The following PPFIA4 variants were observed in gnomAD, a reference collection of about 807,000 sequenced individuals.
The protein encoded by PPFIA4 is PPFI scaffold protein A4, also known as liprin-alpha-4.
In PPFIA4, 98 loss-of-function variants were observed where a neutral mutation model predicts 145.7. The ratio of observed to expected loss-of-function variants is 0.67; its 90% CI spans 0.57 to 0.80. PPFIA4 has a LOEUF of 0.80. Ranked by LOEUF, PPFIA4 falls within the 30% of genes least tolerant of loss-of-function variation. The pLI, the probability that PPFIA4 is intolerant of heterozygous loss-of-function variation, is 0.00. For missense variants in PPFIA4, 1,457 were observed against 1,632.7 expected, an observed-to-expected ratio of 0.89 and a Z score of 1.85; for synonymous variants, 628 against 649.6, an observed-to-expected ratio of 0.97 and a Z score of 0.51.
chr1:203,053,875 T>C lies in PPFIA4; in HGVS notation c.1743T>C (p.Asp581=), dbSNP rs1465890573. ...DEPGGLVGSA[D]VVSPSGHSDA... ...CAGGGGGTCTGGTGGGCTCTGCGGA[T>C]GTTGTCTCCCCCAGCGGCCACTCAG... The change falls in exon 15 of 30, where the codon GAT becomes GAC. Residue 581 remains aspartate, a synonymous_variant. Transcript: ENST00000295706. 6.4e-7 allele frequency: 1 copy of C among 1,560,804 alleles called. No individual in the cohort carries two copies. Among genetic ancestry groups the C allele is most frequent in the Non-Finnish European group, 8.7e-7 (1 of 1,151,924 alleles).
At position 203,060,659 on chromosome 1, in the gene PPFIA4, C is replaced by A. The variant is rs1661298753; in HGVS notation, c.2784+242C>A. On this transcript the variant is annotated intron_variant, in intron 22 of 29. Coordinates refer to ENST00000295706, the MANE Select transcript of PPFIA4 (RefSeq NM_001304331.2). The surrounding 1 kb of genome is among the most constrained non-coding windows in gnomAD (Gnocchi z 4.8). ...GCTCCATCTCCCCATCCCTACTCTG[C>A]CAAAATTTCCACGTCTCTGGGCAGT... Among the ~76,000 whole-genome samples, 2 of 152,168 alleles carry A rather than the reference C, an allele frequency of 1.3e-5. No homozygotes were observed. The highest frequency in any genetic ancestry group is 6.5e-5 in the Admixed American group (1 of 15,288).
intron 28 of PPFIA4, 139 bp downstream of exon 28, chr1:203,071,899 G>A (rs1289410990): frequency 2.6e-6 from 2 of 768,002 alleles, no homozygotes; most frequent in African/African-American, 1.7e-5. Flanking sequence ...TGGGGATAAT[G>A]TCAGGGGGTT....
chr1:203,069,864 C>T (rs537514648), intron 27 of PPFIA4, among the ~76,000 whole-genome samples: 2 of 151,466 alleles, frequency 1.3e-5, no homozygotes, highest in African/African-American at 4.8e-5. Flanking sequence ...TCCACTTGCC[C>T]ACTTCGGGCA....
intron 19 of PPFIA4, among the ~76,000 whole-genome samples, chr1:203,057,573 T>C (rs777567921): frequency 1.3e-5 from 2 of 152,252 alleles, no homozygotes; most frequent in Non-Finnish European, 2.9e-5. Context: ...TTCCTGTTCC[T>C]CCACCTTTTC....
chr1:203,048,209 A>T lies in PPFIA4; in HGVS notation c.1141-18A>T. The T allele has an allele frequency of 1.2e-6, 2 of 1,611,612 alleles. No homozygotes were observed. The highest frequency in any genetic ancestry group is 1.7e-6 in the Non-Finnish European group (2 of 1,179,134). ...GAACAGAGATCTGCGGGCTGCACCG[A>T]CCCATCCCTGCCCCTAGGCTGAAGA... On this transcript the variant is annotated intron_variant, in intron 9 of 29. Coordinates refer to ENST00000295706, the MANE Select transcript of PPFIA4 (RefSeq NM_001304331.2). This position sits in a 1 kb window ranked among gnomAD's most constrained non-coding sequence, Gnocchi z 5.8.
intron 2 of PPFIA4, among the ~76,000 whole-genome samples, chr1:203,042,807 T>A (rs1659796291): frequency 6.6e-6 from 1 of 152,054 alleles, no homozygotes; most frequent in African/African-American, 2.4e-5. Context: ...TCTGACTAAT[T>A]TTTGTATTTT....
At position 203,059,171 on chromosome 1, in the gene PPFIA4, C is replaced by T; in HGVS notation, c.2408-7C>T. The T allele has an allele frequency of 6.7e-7, 1 of 1,498,524 alleles. No individual in the cohort carries two copies. Among genetic ancestry groups the T allele is most frequent in the South Asian group, 1.2e-5 (1 of 83,170 alleles). 92.8% of individuals were successfully genotyped at this position (1,498,524 alleles called of 1,614,324 possible). A position where few individuals can be genotyped will look rare whatever the true frequency, so the allele number is the denominator to read the frequency against. On this transcript the variant is annotated splice_region_variant and splice_polypyrimidine_tract_variant and intron_variant, in intron 19 of 29. Transcript: ENST00000295706. ...GCTGGCTGACACACACATCTCTTTC[C>T]TTGTAGTTCTGCTAACAGACTCCGA... is the stretch of plus-strand genomic sequence containing the variant.
rs1207139995 is a variant in PPFIA4, at chr1:203,078,664, T to A, written c.*2274T>A. 6.6e-6 allele frequency: 1 copy of A among 152,068 alleles called. No individual in the cohort carries two copies. Among genetic ancestry groups the A allele is most frequent in the African/African-American group, 2.4e-5 (1 of 41,210 alleles). The allele number at this position is 152,068 out of a possible 1,614,324, so 9.4% of individuals were successfully genotyped here. A position where few individuals can be genotyped will look rare whatever the true frequency, so the allele number is the denominator to read the frequency against. ...TTGCTCAGTGCATCAGGAATGGGTG[T>A]ATGGGTGTGTGTGGGTGGGTGTGAG... On this transcript the variant is annotated 3_prime_UTR_variant, in exon 30 of 30. Coordinates refer to ENST00000295706, the MANE Select transcript of PPFIA4 (RefSeq NM_001304331.2).
At chr1:203,056,588 A>C in intron 18 of PPFIA4, 80 bp downstream of exon 18, 1 of 1,525,128 alleles carries the variant, frequency 6.6e-7, no homozygotes, top group Non-Finnish European at 8.9e-7. Context: ...CAGGGACCGC[A>C]TCTCCCCTGT....
At chr1:203,067,294 T>C (rs1344890174) in intron 25 of PPFIA4, among the ~76,000 whole-genome samples, 1 of 152,102 alleles carries the variant, frequency 6.6e-6, no homozygotes, top group East Asian at 1.9e-4. Flanking sequence ...TCATGGAGTA[T>C]CTTATAGGCC....
chr1:203,040,651 G>A (rs1452230249), intron 2 of PPFIA4, among the ~76,000 whole-genome samples: 3 of 152,178 alleles, frequency 2.0e-5, no homozygotes, highest in Non-Finnish European at 2.9e-5. Flanking sequence ...GGCCCAAAAG[G>A]GTTATTAAGC....
intron 28 of PPFIA4, among the ~76,000 whole-genome samples, chr1:203,074,549 G>C (rs1662388361): frequency 6.6e-6 from 1 of 152,104 alleles, no homozygotes; most frequent in African/African-American, 2.4e-5. Flanking sequence ...ATGGTGCTGA[G>C]AATTTATCAG....
intron 2 of PPFIA4, among the ~76,000 whole-genome samples, chr1:203,040,547 T>G (rs542152319): frequency 6.6e-6 from 1 of 151,962 alleles, no homozygotes; most frequent in East Asian, 1.9e-4. Context: ...TGCCCTAGAG[T>G]GAATGAACTA....
chr1:203,043,964 C>A lies in PPFIA4; in HGVS notation c.370C>A (p.Arg124Ser). 1.2e-6 allele frequency: 2 copies of A among 1,610,288 alleles called. No individual in the cohort carries two copies. The highest frequency in any genetic ancestry group is 1.7e-6 in the Non-Finnish European group (2 of 1,178,544). ...LLEHLECLVS[R>S]HERSLRMTVV... is the part of the protein sequence containing the mutation. ...GGAACATCTGGAGTGCCTGGTGTCC[C>A]GCCATGAACGGTCACTGCGGATGAC... Residue 124 changes from arginine (R) to serine (S), a missense_variant, in exon 4 of 30, where the codon CGC (arginine) becomes AGC (serine). Around this residue, in one of 3 missense-constraint regions of PPFIA4, gnomAD observed 463 missense variants for 459.8 expected, o/e 1.01. Coordinates refer to ENST00000295706, the MANE Select transcript of PPFIA4 (RefSeq NM_001304331.2). This position sits in a 1 kb window ranked among gnomAD's most constrained non-coding sequence, Gnocchi z 4.4.
intron 2 of PPFIA4, among the ~76,000 whole-genome samples, chr1:203,041,886 T>C (rs533916572): frequency 6.6e-6 from 1 of 152,308 alleles, no homozygotes; most frequent in South Asian, 2.1e-4. Flanking sequence ...GCATCAGGCC[T>C]GGGCTTCTGG....
At chr1:203,072,918 C>T (rs10753934) in intron 28 of PPFIA4, among the ~76,000 whole-genome samples, 58,948 of 142,612 alleles carry the variant, frequency 0.41, 12,469 homozygotes, top group Non-Finnish European at 0.43. Flanking sequence ...GCTGTCCCAA[C>T]TCTGATAGAT....
chr1:203,030,253 C>T (rs1020644004), intron 1 of PPFIA4, among the ~76,000 whole-genome samples: 1 of 152,094 alleles, frequency 6.6e-6, no homozygotes, highest in Non-Finnish European at 1.5e-5. Context: ...CCTGTGTGAC[C>T]TCCGAGAGCC....
At chr1:203,037,829 A>G (rs750193031) in intron 1 of PPFIA4, among the ~76,000 whole-genome samples, 63 of 152,126 alleles carry the variant, frequency 4.1e-4, no homozygotes, top group Admixed American at 3.2e-3. Flanking sequence ...CTGCACCTCT[A>G]TATCACCCCT....
chr1:203,070,755 C>T (rs1662097168), intron 27 of PPFIA4, among the ~76,000 whole-genome samples: 1 of 151,460 alleles, frequency 6.6e-6, no homozygotes, highest in South Asian at 2.1e-4. Context: ...AGCAGGCTTC[C>T]TAATTTTAAG....
Sources: gnomAD v4.1 joint callset for allele counts (sites outside exome capture counted in the v4.1 genomes callset) on GRCh38, gnomAD v4.1.1 for gene constraint, gnomAD v4.1.1 regional missense constraint, Gnocchi (gnomAD v3.1) non-coding constraint, MANE v1.5 for transcripts, NCBI Gene and HGNC (gene_info 2026-07-23, HGNC 2026-07-21) for gene names.